The following TRPV5 variants were observed in gnomAD, a reference collection of about 807,000 sequenced individuals.
TRPV5 encodes the protein calcium transport protein 2.
A neutral mutation model predicts 74.1 loss-of-function variants in TRPV5; 66 were observed. The ratio of observed to expected loss-of-function variants is 0.89; its 90% confidence interval spans 0.73 to 1.09. TRPV5 has a LOEUF of 1.09. Among genes scored for constraint, TRPV5 ranks in the 50% least tolerant of loss-of-function variants. The probability of loss-of-function intolerance (pLI) is 0.00; values close to 1 mark genes in which losing one functional copy is unlikely to be tolerated. For synonymous variants in TRPV5, 399 were observed against 360.7 expected, an observed-to-expected ratio of 1.11 and a Z score of -1.20; for missense variants, 936 against 930.4, an observed-to-expected ratio of 1.01 and a Z score of -0.08.
chr7:142,926,665 T>C (rs1244825656), intron 7 of TRPV5, among the ~76,000 whole-genome samples: 1 of 152,020 alleles, frequency 6.6e-6, no homozygotes, highest in Non-Finnish European at 1.5e-5. Flanking sequence ...GAAAGGAAGA[T>C]TTATGGAGGA....
intron 8 of TRPV5, among the ~76,000 whole-genome samples, chr7:142,922,957 C>A (rs1344297424): frequency 6.6e-6 from 1 of 152,132 alleles, no homozygotes; most frequent in Non-Finnish European, 1.5e-5. Flanking sequence ...CAAACATCAG[C>A]TTTTGTGTAG....
chr7:142,931,213 G>T (rs1796090451), intron 1 of TRPV5, among the ~76,000 whole-genome samples: 1 of 151,690 alleles, frequency 6.6e-6, no homozygotes, highest in African/African-American at 2.4e-5. Flanking sequence ...TAGTAGAGAT[G>T]GGGTTTTGCC....
rs1796128918 is a variant in TRPV5, at chr7:142,933,367, C to A, written c.93G>T (p.Gln31His). The A allele has an allele frequency of 6.2e-7, 1 of 1,614,112 alleles. No homozygotes were observed. The highest frequency in any genetic ancestry group is 1.3e-5 in the African/African-American group (1 of 75,052). ...GCAGCATATGAAGCTTGTCCAGGTGCTGGTCCCAGTCTTGTTCTCTGACCA... is the reference window on the plus strand; with the variant it reads ...GCAGCATATGAAGCTTGTCCAGGTGATGGTCCCAGTCTTGTTCTCTGACCA... ...SFLVREQDWD[Q>H]HLDKLHMLQQ... Residue 31 changes from glutamine (Q) to histidine (H), a missense_variant, in exon 1 of 15, where the codon CAG becomes CAT. By Grantham distance (24) the Gln-to-His change is conservative. Coordinates refer to ENST00000265310, the MANE Select transcript of TRPV5 (RefSeq NM_019841.7).
Position 142,933,362 on chromosome 7 carries a change from A to C in TRPV5, c.98T>G (p.Leu33Arg). 6.2e-7 allele frequency: 1 copy of C among 1,614,064 alleles called. No homozygotes were observed. Among genetic ancestry groups the C allele is most frequent in the South Asian group, 1.1e-5 (1 of 91,080 alleles). Reference protein sequence around the residue: ...LVREQDWDQHLDKLHMLQQKR... With the variant: ...LVREQDWDQHRDKLHMLQQKR... Reference sequence around the variant, plus strand: ...CTGCTGCAGCATATGAAGCTTGTCCAGGTGCTGGTCCCAGTCTTGTTCTCT... The same window carrying C: ...CTGCTGCAGCATATGAAGCTTGTCCCGGTGCTGGTCCCAGTCTTGTTCTCT... Residue 33 changes from leucine (L) to arginine (R), a missense_variant, in exon 1 of 15, where the codon CTG becomes CGG. Transcript: ENST00000265310.
chr7:142,914,522 A>G (rs1300956394), intron 12 of TRPV5, 118 bp downstream of exon 12: 1 of 961,006 alleles, frequency 1.0e-6, no homozygotes, highest in African/African-American at 1.8e-5. Context: ...AAAACAAAAA[A>G]CAAACAAAAA....
intron 8 of TRPV5, among the ~76,000 whole-genome samples, chr7:142,919,803 C>T (rs1215063393): frequency 2.0e-5 from 3 of 152,148 alleles, no homozygotes; most frequent in Admixed American, 6.5e-5. Context: ...ACTACTGGGT[C>T]GTAAGGGCCA....
intron 13 of TRPV5, among the ~76,000 whole-genome samples, 179 bp downstream of exon 13, chr7:142,912,303 C>T (rs1029594417): frequency 2.0e-5 from 3 of 152,242 alleles, no homozygotes; most frequent in African/African-American, 7.2e-5. Flanking sequence ...CCATTTAATC[C>T]TCCTTCTGTC....
rs1243775806 is a variant in TRPV5 at position 142,915,047 on chromosome 7, C to G, written c.1287-1G>C. ...CAGCACCAGGGAGGCATAGGTGATGCTGGGGGAGCAGAAAGCAGAGAGTGA... is the reference window on the plus strand; with the variant it reads ...CAGCACCAGGGAGGCATAGGTGATGGTGGGGGAGCAGAAAGCAGAGAGTGA... On this transcript the variant is annotated splice_acceptor_variant, in intron 10 of 14. Coordinates refer to ENST00000265310, the MANE Select transcript of TRPV5 (RefSeq NM_019841.7). LOFTEE classifies it high-confidence loss of function. 1 of 1,613,262 alleles carries G rather than the reference C, an allele frequency of 6.2e-7. No homozygotes were observed. Among genetic ancestry groups the G allele is most frequent in the Non-Finnish European group, 8.5e-7 (1 of 1,179,572 alleles).
At position 142,915,364 on chromosome 7, in the gene TRPV5, A is replaced by G. The variant is rs1795777062; in HGVS notation, c.1229T>C (p.Val410Ala). Residue 410 changes from valine (V) to alanine (A), a missense_variant, in exon 10 of 15, where the codon GTT becomes GCT. Physicochemically the swap from Val to Ala is moderately conservative, Grantham distance 64 (BLOSUM62 0). Transcript: ENST00000265310. ...CTTTCCAAAATAGCGAGAGGCACCA[A>G]CCCTGAAGATGTCTGGAATCTGGGG... Reference protein sequence around the residue: ...LLLEIPDIFRVGASRYFGKTI... With the variant: ...LLLEIPDIFRAGASRYFGKTI... 6.2e-7 allele frequency: 1 copy of G among 1,608,276 alleles called. No individual in the cohort carries two copies.
Position 142,908,813 on chromosome 7 carries a change from T to TAAGGGGA in TRPV5, c.1896-12_1896-6dup, listed in dbSNP as rs747549449. 4.4e-6 allele frequency: 7 copies of TAAGGGGA among 1,606,346 alleles called. No individual in the cohort carries two copies. The highest frequency in any genetic ancestry group is 6.0e-6 in the Non-Finnish European group (7 of 1,176,158). ...TGATCATTGTGGTTCTCAACCCTGATAAGGGGAAAGGGGAAAGGACTCAAT... is the reference window on the plus strand; with the variant it reads ...TGATCATTGTGGTTCTCAACCCTGATAAGGGGAAAGGGGAAAGGGGAAAGGACTCAAT... On this transcript the variant is annotated splice_polypyrimidine_tract_variant and splice_region_variant and intron_variant, in intron 14 of 14. Transcript: ENST00000265310.
At chr7:142,931,219 T>C (rs1796090675) in intron 1 of TRPV5, among the ~76,000 whole-genome samples, 1 of 151,934 alleles carries the variant, frequency 6.6e-6, no homozygotes, top group Non-Finnish European at 1.5e-5. Context: ...AGATGGGGTT[T>C]TGCCATGTTG....
chr7:142,916,812 A>G (rs1795807343), intron 8 of TRPV5, among the ~76,000 whole-genome samples: 1 of 151,836 alleles, frequency 6.6e-6, no homozygotes, highest in African/African-American at 2.4e-5. Flanking sequence ...GGGAACCAAG[A>G]GAGACTAGGA....
chr7:142,928,162 C>G lies in TRPV5; in HGVS notation c.835G>C (p.Asp279His). 5 of 1,614,146 alleles carry G rather than the reference C, an allele frequency of 3.1e-6. No homozygotes were observed. The highest frequency in any genetic ancestry group is 4.2e-6 in the Non-Finnish European group (5 of 1,180,024). ...CCCCAGGAGTCGATCTCCGTGAGGTCGTAGAGAATGGAGGTCAGGGGTCCA... is the reference window on the plus strand; with the variant it reads ...CCCCAGGAGTCGATCTCCGTGAGGTGGTAGAGAATGGAGGTCAGGGGTCCA... ...TYGPLTSILY[D>H]LTEIDSWGEE... Residue 279 changes from aspartate (D) to histidine (H), a missense_variant, in exon 7 of 15, where the codon GAC becomes CAC. Coordinates refer to ENST00000265310, the MANE Select transcript of TRPV5 (RefSeq NM_019841.7).
chr7:142,929,035 G>T lies in TRPV5; in HGVS notation c.573C>A (p.Ala191=), dbSNP rs374962671. 2.5e-6 allele frequency: 4 copies of T among 1,613,850 alleles called. No individual in the cohort carries two copies. The highest frequency in any genetic ancestry group is 3.4e-6 in the Non-Finnish European group (4 of 1,180,018). The change falls in exon 5 of 15, where the codon GCC becomes GCA. Residue 191 remains alanine (A), a synonymous_variant. Transcript: ENST00000265310. ...CCCAGCTCTTACCCAGGGAGTCCTG[G>T]GCCCTGATGTCAGCTCCATGCTCAA... ...LLIEHGADIR[A]QDSLGNTVLH...
chr7:142,926,079 G>A (rs905409331), intron 7 of TRPV5, among the ~76,000 whole-genome samples: 1 of 152,228 alleles, frequency 6.6e-6, no homozygotes, highest in Non-Finnish European at 1.5e-5. Flanking sequence ...CCCATTTGCA[G>A]TTGAGATGTG....
intron 1 of TRPV5, among the ~76,000 whole-genome samples, chr7:142,931,533 G>A (rs1796096689): frequency 6.6e-6 from 1 of 152,104 alleles, no homozygotes; most frequent in African/African-American, 2.4e-5. Flanking sequence ...AAGAGATAAA[G>A]CTGGAGCCTC....
chr7:142,912,375 C>T, intron 13 of TRPV5, 107 bp downstream of exon 13: 8 of 1,460,684 alleles, frequency 5.5e-6, no homozygotes, highest in Non-Finnish European at 7.4e-6. Context: ...GACAGCCTCA[C>T]TGGGTTTTTC....
In TRPV5 at chr7:142,925,742, C is replaced by G. The variant is rs749327612; in HGVS notation, c.910-1G>C. On this transcript the variant is annotated splice_acceptor_variant, in intron 7 of 14. Transcript: ENST00000265310. LOFTEE classifies it high-confidence loss of function. ...GGGTCTGTTCCAGAATTTGGCGAGC[C>G]TGGCATGGAAGTAGAGTGAAACTTG... 6.2e-7 allele frequency: 1 copy of G among 1,613,436 alleles called. No individual in the cohort carries two copies. Among genetic ancestry groups the G allele is most frequent in the South Asian group, 1.1e-5 (1 of 91,016 alleles).
intron 8 of TRPV5, among the ~76,000 whole-genome samples, chr7:142,917,345 ATG>A (rs1189840076): frequency 6.6e-6 from 1 of 152,168 alleles, no homozygotes; most frequent in Admixed American, 6.5e-5. Flanking sequence ...TATGCCATAT[ATG>A]TGTCTATAAA....
Sources: allele counts gnomAD v4.1 joint callset (sites outside exome capture counted in the v4.1 genomes callset), GRCh38; gene constraint gnomAD v4.1.1; transcripts MANE v1.5; gene names NCBI Gene and HGNC (gene_info 2026-07-23, HGNC 2026-07-21).